The following AP3B2 variants were observed in gnomAD, a reference collection of about 807,000 sequenced individuals.
AP3B2 encodes AP-3 complex subunit beta-2.
Under a neutral mutation model 126.9 loss-of-function variants are expected in AP3B2, and 50 were observed. The ratio of observed to expected loss-of-function variants is 0.39; its 90% CI spans 0.31 to 0.50. The LOEUF (loss-of-function observed/expected upper bound fraction) is 0.50, where lower values mean the gene tolerates loss of function less well. AP3B2 is among the 20% of genes least tolerant of loss of function. The pLI is 0.79. For synonymous variants in AP3B2, 541 were observed against 565.0 expected, an observed-to-expected ratio of 0.96 and a Z score of 0.60; for missense variants, 1,177 against 1,426.4, an observed-to-expected ratio of 0.83 and a Z score of 2.82.
intron 1 of AP3B2, chr15:82,708,633 T>C (rs1399378692): frequency 1.3e-5 from 2 of 152,304 alleles, no homozygotes; most frequent in Non-Finnish European, 2.9e-5. Context: ...CCTTCTAAAA[T>C]ATAAATCTGA....
At chr15:82,662,476 C>G in intron 23 of AP3B2, 1 of 657,050 alleles carries the variant, frequency 1.5e-6, no homozygotes, top group Non-Finnish European at 2.6e-6. Flanking sequence ...CTGAAACAAC[C>G]AAGGCCCAAA....
At chr15:82,700,900 G>T (rs924442051) in intron 1 of AP3B2, among the ~76,000 whole-genome samples, 2 of 151,856 alleles carry the variant, frequency 1.3e-5, no homozygotes, top group Non-Finnish European at 2.9e-5. Flanking sequence ...TCACTCCGTT[G>T]CCCAGGCTGG....
At chr15:82,692,263 G>A in intron 1 of AP3B2, 3 of 843,346 alleles carry the variant, frequency 3.6e-6, no homozygotes, top group Non-Finnish European at 5.5e-6. Flanking sequence ...TTGATCTTGC[G>A]GATCCGGCCG....
At chr15:82,708,245 G>A (rs984136034) in intron 1 of AP3B2, among the ~76,000 whole-genome samples, 3 of 142,418 alleles carry the variant, frequency 2.1e-5, no homozygotes, top group Admixed American at 1.5e-4. Flanking sequence ...CCCTTTGACT[G>A]TAATTTTCCA....
intron 1 of AP3B2, among the ~76,000 whole-genome samples, chr15:82,702,153 T>C (rs1053178825): frequency 1.3e-5 from 2 of 152,192 alleles, no homozygotes; most frequent in Admixed American, 6.5e-5. Flanking sequence ...TTAATTAACA[T>C]ACATATGTTA....
chr15:82,705,101 C>A (rs2048776869), intron 1 of AP3B2, among the ~76,000 whole-genome samples: 1 of 152,072 alleles, frequency 6.6e-6, no homozygotes, highest in Non-Finnish European at 1.5e-5. Context: ...TCAAAGCCTC[C>A]TTCACATCCT....
At chr15:82,700,397 C>CTGTTTTTTTTTTTTTTTTTT (rs2048699976) in intron 1 of AP3B2, among the ~76,000 whole-genome samples, 2 of 35,086 alleles carry the variant, frequency 5.7e-5, no homozygotes, top group African/African-American at 2.0e-4. Flanking sequence ...TGGTGGGTGG[C>CTGTTTTTTTTTTTTTTTTTT]TTTTTTTTTT....
At chr15:82,689,571 C>A (rs1017072328) in intron 1 of AP3B2, 118 bp from the exon 2 acceptor site, 2 of 865,822 alleles carry the variant, frequency 2.3e-6, no homozygotes, top group African/African-American at 1.7e-5. Context: ...GGACCTGACC[C>A]GAGGAGGGAC....
intron 14 of AP3B2, 131 bp from the exon 15 acceptor site, chr15:82,667,064 C>T (rs1446646819): frequency 4.2e-5 from 37 of 886,430 alleles, no homozygotes; most frequent in Non-Finnish European, 8.5e-6. Context: ...CGCTTCCACC[C>T]AGCTGTCCCT....
In AP3B2 at chr15:82,676,444, C is replaced by A; in HGVS notation, c.1665+17G>T. The A allele has an allele frequency of 6.2e-7, 1 of 1,611,906 alleles. No individual in the cohort carries two copies. The highest frequency in any genetic ancestry group is 8.5e-7 in the Non-Finnish European group (1 of 1,178,666). ...CTGGGGACCAGAGTATCTGGGGGGT[C>A]ATCTCTTAATCTTTACCTGTTTAGA... On this transcript the variant is annotated intron_variant, in intron 14 of 26. Transcript: ENST00000535359.
At chr15:82,671,392 C>T (rs557252672) in intron 14 of AP3B2, among the ~76,000 whole-genome samples, 20 of 152,252 alleles carry the variant, frequency 1.3e-4, no homozygotes, top group African/African-American at 4.8e-4. Flanking sequence ...AAAAGGCAAC[C>T]CTTGTACACT....
intron 4 of AP3B2, among the ~76,000 whole-genome samples, chr15:82,683,313 A>T (rs992026858): frequency 1.3e-5 from 2 of 151,936 alleles, no homozygotes; most frequent in African/African-American, 2.4e-5. Flanking sequence ...CACCTCGGCC[A>T]CCCAAAATGC....
rs181496457 is a variant in AP3B2, at chr15:82,706,751, C to T, written c.113+2843G>A. Among the ~76,000 whole-genome samples the T allele has an allele frequency of 4.0e-4, 61 of 152,302 alleles. 1 individual carries two copies. The East Asian group carries it at 4.8e-3, about 12-fold the overall frequency. On this transcript the variant is annotated intron_variant, in intron 1 of 26. Transcript: ENST00000535359. ...TTCTTTCGTCATTTCATAACCTCTT[C>T]CATGTAGGTTACAAGCCGCTAGCCT...
Position 82,681,027 on chromosome 15 carries a change from A to G in AP3B2, c.589-8T>C, listed in dbSNP as rs2048330521. The G allele has an allele frequency of 1.2e-6, 2 of 1,613,650 alleles. No homozygotes were observed. Among genetic ancestry groups the G allele is most frequent in the Non-Finnish European group, 1.7e-6 (2 of 1,179,878 alleles). On this transcript the variant is annotated splice_region_variant and splice_polypyrimidine_tract_variant and intron_variant, in intron 6 of 26. Transcript: ENST00000535359. This position sits in a 1 kb window ranked among gnomAD's most constrained non-coding sequence, Gnocchi z 4.0. ...CACACTGCCCGCCACCAGCTGGGGA[A>G]AGAACAAAGACGAGAGGGTGAACGC...
intron 24 of AP3B2, 51 bp from the exon 25 acceptor site, chr15:82,661,973 C>T: frequency 5.3e-6 from 8 of 1,523,384 alleles, no homozygotes; most frequent in Admixed American, 1.8e-5. Context: ...CATCTCTCCC[C>T]TCACTTCCCA....
rs755250376 is a variant in AP3B2 at position 82,680,640 on chromosome 15, T to C, written c.887A>G (p.Tyr296Cys). ...CAGCCGGTGGTCGGGGTCCATGACA[T>C]AGGGCTTTCGGGAGGGGGCGGCCGC... ...AAAAAPSRKPYVMDPDHRLLL... is the reference protein window; with the variant it reads ...AAAAAPSRKPCVMDPDHRLLL... The change falls in exon 8 of 27, where the codon TAT becomes TGT. Residue 296 changes from tyrosine (Y) to cysteine (C), a missense_variant. Physicochemically the swap from Tyr to Cys is radical, Grantham distance 194 (BLOSUM62 -2). Around this residue, in one of 5 missense-constraint regions of AP3B2, gnomAD observed 103 missense variants for 101.4 expected, o/e 1.02. Transcript: ENST00000535359. The surrounding 1 kb of genome is among the most constrained non-coding windows in gnomAD (Gnocchi z 6.1). 1.4e-5 allele frequency: 23 copies of C among 1,591,140 alleles called. No individual in the cohort carries two copies. Among genetic ancestry groups the C allele is most frequent in the Non-Finnish European group, 1.5e-5 (18 of 1,173,620 alleles).
chr15:82,674,975 T>C (rs1218985209), intron 14 of AP3B2, among the ~76,000 whole-genome samples: 1 of 151,752 alleles, frequency 6.6e-6, no homozygotes, highest in Non-Finnish European at 1.5e-5. Context: ...CTCTGGCTCA[T>C]TGCTGAGCAT....
chr15:82,673,009 A>ACT (rs2048183251), intron 14 of AP3B2, among the ~76,000 whole-genome samples: 1 of 152,198 alleles, frequency 6.6e-6, no homozygotes, highest in Non-Finnish European at 1.5e-5. Flanking sequence ...GCCTCCAGAT[A>ACT]AAAACTCAGC....
Position 82,664,559 on chromosome 15 carries a change from G to A in AP3B2, c.2138-69C>T. The A allele has an allele frequency of 6.4e-7, 1 of 1,550,998 alleles. No individual in the cohort carries two copies. ...TCCTTGGGTCTGGAGCAGACACCTG[G>A]GTTCCACCTTCACATTCAGTACTGA... On this transcript the variant is annotated intron_variant, in intron 18 of 26. Coordinates refer to ENST00000535359, the MANE Select transcript of AP3B2 (RefSeq NM_001278512.2). The surrounding 1 kb of genome is among the most constrained non-coding windows in gnomAD (Gnocchi z 4.5).
Sources: gnomAD v4.1 joint callset for allele counts (sites outside exome capture counted in the v4.1 genomes callset) on GRCh38, gnomAD v4.1.1 for gene constraint, gnomAD v4.1.1 regional missense constraint, Gnocchi (gnomAD v3.1) non-coding constraint, MANE v1.5 for transcripts, NCBI Gene and HGNC (gene_info 2026-07-23, HGNC 2026-07-21) for gene names.